DLGAP5: variants seen among roughly 807,000 people sequenced by gnomAD.
DLGAP5 encodes the protein disks large-associated protein 5.
DLGAP5 carries 90 observed loss-of-function variants against 99.6 expected under a neutral mutation model. The observed-to-expected ratio is 0.90, with a 90% CI of 0.76 to 1.08. DLGAP5 has a LOEUF of 1.08. Among genes scored for constraint, DLGAP5 ranks in the 50% least tolerant of loss-of-function variants. DLGAP5 has a pLI of 0.00. For missense variants in DLGAP5, 1,036 were observed against 983.5 expected (o/e 1.05, Z -0.71); for synonymous variants, 311 against 321.3 (o/e 0.97, Z 0.34).
intron 12 of DLGAP5, among the ~76,000 whole-genome samples, chr14:55,163,709 TCA>T (rs1882528763): frequency 6.6e-6 from 1 of 152,266 alleles, no homozygotes; most frequent in South Asian, 2.1e-4. Context: ...TTTTGAATTT[TCA>T]CTGTTCCCTA....
At chr14:55,167,207 T>A (rs1882674213) in intron 12 of DLGAP5, among the ~76,000 whole-genome samples, 1 of 144,148 alleles carries the variant, frequency 6.9e-6, no homozygotes, top group African/African-American at 2.7e-5. Flanking sequence ...TGAGCCAAGA[T>A]CACGCCACCG....
chr14:55,173,070 TA>T (rs2140320393), intron 10 of DLGAP5, among the ~76,000 whole-genome samples: 1 of 148,906 alleles, frequency 6.7e-6, no homozygotes, highest in East Asian at 2.0e-4. Flanking sequence ...AATATTTCAA[TA>T]ACTCAGTGGA....
chr14:55,150,696 G>T, intron 18 of DLGAP5, 103 bp downstream of exon 18: 3 of 883,826 alleles, frequency 3.4e-6, no homozygotes, highest in Non-Finnish European at 4.9e-6. Flanking sequence ...GCAAAACAAT[G>T]ACAAGATATA....
At position 55,177,541 on chromosome 14, in the gene DLGAP5, CT is replaced by C. The variant is rs775347897; in HGVS notation, c.775-206del. On this transcript the variant is annotated intron_variant, in intron 7 of 18. Transcript: ENST00000247191. The stretch of plus-strand genomic sequence containing the variant: ...CATTGCTATTACCCGGGAATAGAAT[CT>C]TTTTTTTTTTTTTGATACGGAGTAG... Among the ~76,000 whole-genome samples, 600 of 143,908 alleles carry C rather than the reference CT, an allele frequency of 4.2e-3. 10 individuals are homozygous for C. In the East Asian group the frequency reaches 0.064, roughly 15 times the overall value. 94.4% of individuals were successfully genotyped at this position (143,908 alleles called of 152,430 possible).
chr14:55,148,171 A>G lies in DLGAP5; in HGVS notation c.*180T>C, dbSNP rs1188044650. 2 of 645,668 alleles carry G rather than the reference A, an allele frequency of 3.1e-6. No individual in the cohort carries two copies. Among genetic ancestry groups the G allele is most frequent in the Non-Finnish European group, 5.0e-6 (2 of 397,578 alleles). The allele number at this position is 645,668 out of a possible 1,614,324, so 40.0% of individuals were successfully genotyped here. A position where few individuals can be genotyped will look rare whatever the true frequency, so the allele number is the denominator to read the frequency against. ...TTTTATTCTGTGTTGAAAATGTACA[A>G]AATATCCCCACTTCCCTTGAGAAAG... is the stretch of plus-strand genomic sequence containing the variant. On this transcript the variant is annotated 3_prime_UTR_variant, in exon 19 of 19. Transcript: ENST00000247191.
At chr14:55,181,038 C>T (rs534744177) in intron 5 of DLGAP5, among the ~76,000 whole-genome samples, 175 bp downstream of exon 5, 1 of 152,194 alleles carries the variant, frequency 6.6e-6, no homozygotes, top group African/African-American at 2.4e-5. Flanking sequence ...TCACTTGAGC[C>T]CAGGAGGTGG....
intron 10 of DLGAP5, among the ~76,000 whole-genome samples, chr14:55,171,164 T>G (rs879594777): frequency 6.6e-6 from 1 of 152,210 alleles, no homozygotes; most frequent in African/African-American, 2.4e-5. Context: ...AAGAGTAAAT[T>G]AAAGCTAAAA....
At chr14:55,175,844 T>G in intron 9 of DLGAP5, 50 bp downstream of exon 9, 1 of 1,444,046 alleles carries the variant, frequency 6.9e-7, no homozygotes, top group Non-Finnish European at 9.2e-7. Context: ...CAAAATATTT[T>G]TTGTATTAAC....
chr14:55,167,228 T>A (rs1400083769), intron 12 of DLGAP5, among the ~76,000 whole-genome samples: 3 of 138,170 alleles, frequency 2.2e-5, no homozygotes, highest in Non-Finnish European at 4.5e-5. Context: ...CTCTCCAGCC[T>A]GGGTGACAAA....
At chr14:55,190,791 TA>T (rs1456232833) in intron 1 of DLGAP5, among the ~76,000 whole-genome samples, 1 of 152,222 alleles carries the variant, frequency 6.6e-6, no homozygotes, top group Non-Finnish European at 1.5e-5. Flanking sequence ...GTGCTTTTCA[TA>T]AAGAACTGTC....
At chr14:55,173,264 C>T (rs1307071842) in intron 10 of DLGAP5, among the ~76,000 whole-genome samples, 28 of 116,278 alleles carry the variant, frequency 2.4e-4, no homozygotes, top group Admixed American at 2.0e-3. Context: ...ATAAGACCCC[C>T]GTCTCTACAA....
intron 15 of DLGAP5, among the ~76,000 whole-genome samples, chr14:55,154,192 A>G (rs535774529): frequency 3.3e-5 from 5 of 152,094 alleles, no homozygotes; most frequent in Middle Eastern, 3.2e-3. Flanking sequence ...AAGCCTGGTA[A>G]AAAGTGTCCA....
At position 55,175,416 on chromosome 14, in the gene DLGAP5, T is replaced by C; in HGVS notation, c.1231A>G (p.Lys411Glu). 4 of 1,575,506 alleles carry C rather than the reference T, an allele frequency of 2.5e-6. No individual in the cohort carries two copies. The highest frequency in any genetic ancestry group is 3.5e-6 in the Non-Finnish European group (4 of 1,149,102). Residue 411 changes from lysine (K) to glutamate (E), a missense_variant, in exon 10 of 19, where the codon AAA becomes GAA. By Grantham distance (56) the Lys-to-Glu change is moderately conservative. Transcript: ENST00000247191. ...TTTCTTTCAAGTGATGGGACTTCTTTTATTGGAAGGCCATTTAAATTTTTA... is the reference window on the plus strand; with the variant it reads ...TTTCTTTCAAGTGATGGGACTTCTTCTATTGGAAGGCCATTTAAATTTTTA... ...TTKNLNGLPI[K>E]EVPSLERNEG...
intron 2 of DLGAP5, among the ~76,000 whole-genome samples, 192 bp from the exon 3 acceptor site, chr14:55,183,945 G>C (rs1202848360): frequency 6.6e-6 from 1 of 152,156 alleles, no homozygotes; most frequent in Non-Finnish European, 1.5e-5. Context: ...CTGAGGTCAG[G>C]AGTTTGAGAC....
chr14:55,167,213 C>T (rs1465569240), intron 12 of DLGAP5, among the ~76,000 whole-genome samples: 1 of 148,066 alleles, frequency 6.8e-6, no homozygotes, highest in Admixed American at 6.7e-5. Context: ...AAGATCACGC[C>T]ACCGCTCTCC....
chr14:55,187,621 C>T (rs1377494156), intron 2 of DLGAP5, among the ~76,000 whole-genome samples: 1 of 76,686 alleles, frequency 1.3e-5, no homozygotes, highest in Non-Finnish European at 2.4e-5. Flanking sequence ...CCGACCTGAT[C>T]CTTTTCTTTT....
chr14:55,187,052 G>A (rs1883456990), intron 2 of DLGAP5, among the ~76,000 whole-genome samples: 1 of 151,976 alleles, frequency 6.6e-6, no homozygotes, highest in African/African-American at 2.4e-5. Context: ...GGGACTACAG[G>A]CACGCGCCAC....
At chr14:55,159,039 T>C (rs540702385) in intron 13 of DLGAP5, among the ~76,000 whole-genome samples, 1 of 136,172 alleles carries the variant, frequency 7.3e-6, no homozygotes. Context: ...ATTATAACCA[T>C]GACACCCCCC....
At chr14:55,184,279 A>G (rs1487253937) in intron 2 of DLGAP5, among the ~76,000 whole-genome samples, 2 of 152,204 alleles carry the variant, frequency 1.3e-5, no homozygotes, top group Non-Finnish European at 2.9e-5. Flanking sequence ...GTAACAAAGC[A>G]AGACCTCTCC....
Sources: allele counts gnomAD v4.1 joint callset (sites outside exome capture counted in the v4.1 genomes callset), GRCh38; gene constraint gnomAD v4.1.1; transcripts MANE v1.5; gene names NCBI Gene and HGNC (gene_info 2026-07-23, HGNC 2026-07-21).